Variants in CNGB3 observed in about 807,000 individuals in gnomAD.
CNGB3 encodes the protein cyclic nucleotide gated channel subunit beta 3.
In CNGB3, 86 loss-of-function variants were observed where a neutral mutation model predicts 92.8. The observed-to-expected ratio is 0.93, with a 90% confidence interval of 0.78 to 1.11. The LOEUF (loss-of-function observed/expected upper bound fraction) is 1.11. Ranked by LOEUF, CNGB3 falls within the 50% of genes least tolerant of loss-of-function variation. The pLI is 0.00. For synonymous variants in CNGB3, 333 were observed against 332.7 expected (o/e 1.00, Z -0.01); for missense variants, 1,026 against 956.8 (o/e 1.07, Z -0.95).
rs569459502 is a variant in CNGB3, at chr8:86,638,857, GT to G, written c.1178+4893del. Among the ~76,000 whole-genome samples the G allele has an allele frequency of 5.3e-3, 800 of 150,230 alleles. 7 individuals carry two copies. Among genetic ancestry groups the G allele is most frequent in the African/African-American group, 0.019 (782 of 40,770 alleles). ...TTTTTTTTGTTTTGTTTGTTTGTTT[GT>G]TTGTTTTTGTTATATTCCAAGGGTG... On this transcript the variant is annotated intron_variant, in intron 10 of 17. Transcript: ENST00000320005.
chr8:86,624,234 C>T (rs899044894), intron 13 of CNGB3, among the ~76,000 whole-genome samples: 1 of 152,180 alleles, frequency 6.6e-6, no homozygotes, highest in African/African-American at 2.4e-5. Flanking sequence ...GCCTGGCCAA[C>T]ATGGCGAAAC....
chr8:86,693,937 G>T (rs1396087576), intron 3 of CNGB3, among the ~76,000 whole-genome samples: 1 of 147,858 alleles, frequency 6.8e-6, no homozygotes, highest in Non-Finnish European at 1.5e-5. Context: ...TTGTCATCAT[G>T]GCCCGTTCTC....
intron 3 of CNGB3, among the ~76,000 whole-genome samples, chr8:86,696,292 T>G (rs1039861319): frequency 6.6e-6 from 1 of 152,224 alleles, no homozygotes; most frequent in East Asian, 1.9e-4. Context: ...CAGGAGGTGG[T>G]GCTTCCAAGA....
intron 13 of CNGB3, among the ~76,000 whole-genome samples, chr8:86,623,474 C>T (rs573084285): frequency 6.6e-6 from 1 of 152,176 alleles, no homozygotes; most frequent in East Asian, 1.9e-4. Context: ...GCTGCATCCT[C>T]CAGATGGGAG....
chr8:86,651,513 TA>T (rs1300295651), intron 7 of CNGB3, among the ~76,000 whole-genome samples: 2 of 151,886 alleles, frequency 1.3e-5, no homozygotes, highest in Non-Finnish European at 2.9e-5. Flanking sequence ...AGAACGTAAT[TA>T]AAATAATGTA....
chr8:86,577,235 G>A (rs1403134582), intron 17 of CNGB3, among the ~76,000 whole-genome samples: 1 of 152,148 alleles, frequency 6.6e-6, no homozygotes, highest in Non-Finnish European at 1.5e-5. Flanking sequence ...CTGAGTAATA[G>A]CTTTCTGCTC....
intron 8 of CNGB3, among the ~76,000 whole-genome samples, chr8:86,646,004 C>T (rs1173718806): frequency 4.0e-5 from 6 of 151,016 alleles, no homozygotes; most frequent in Non-Finnish European, 8.9e-5. Flanking sequence ...TCAGGATCTC[C>T]TATATTTAAA....
At chr8:86,639,312 GTACT>G (rs1823134091) in intron 10 of CNGB3, among the ~76,000 whole-genome samples, 1 of 151,902 alleles carries the variant, frequency 6.6e-6, no homozygotes, top group Non-Finnish European at 1.5e-5. Context: ...ATAATCTTAG[GTACT>G]TACTTGTGTT....
chr8:86,619,600 A>G (rs1252366961), intron 13 of CNGB3, among the ~76,000 whole-genome samples: 1 of 152,118 alleles, frequency 6.6e-6, no homozygotes, highest in African/African-American at 2.4e-5. Flanking sequence ...AAGAGGAGAA[A>G]AAACCTACAT....
intron 3 of CNGB3, among the ~76,000 whole-genome samples, chr8:86,683,455 T>A (rs1824121633): frequency 6.6e-6 from 1 of 152,086 alleles, no homozygotes; most frequent in Non-Finnish European, 1.5e-5. Flanking sequence ...CAAAAAAGAC[T>A]AAGGTGAAAT....
chr8:86,682,319 CT>C (rs1467387194), intron 3 of CNGB3, among the ~76,000 whole-genome samples: 2 of 152,148 alleles, frequency 1.3e-5, no homozygotes, highest in Non-Finnish European at 2.9e-5. Context: ...AAAATAAGTC[CT>C]GATTTCCTGC....
chr8:86,647,752 G>T lies in CNGB3; in HGVS notation c.990+49C>A, dbSNP rs769083048. On this transcript the variant is annotated intron_variant, in intron 8 of 17. Coordinates refer to ENST00000320005, the MANE Select transcript of CNGB3 (RefSeq NM_019098.5). ...TCAAGATTTCCATTATAGGGAAATA[G>T]AAATATTTCCATTATAAGGGAAAAG... is the stretch of plus-strand genomic sequence containing the variant. The T allele has an allele frequency of 7.2e-6, 7 of 973,464 alleles. No individual in the cohort carries two copies. In the African/African-American group the frequency reaches 1.1e-4, roughly 16 times the overall value. The allele number at this position is 973,464 out of a possible 1,614,324, so 60.3% of individuals were successfully genotyped here.
At chr8:86,617,598 T>A (rs1822644171) in intron 13 of CNGB3, among the ~76,000 whole-genome samples, 1 of 152,204 alleles carries the variant, frequency 6.6e-6, no homozygotes. Flanking sequence ...AGTGCTGTGA[T>A]GTCATAATTT....
chr8:86,610,904 T>A (rs1822504730), intron 14 of CNGB3, among the ~76,000 whole-genome samples: 1 of 152,180 alleles, frequency 6.6e-6, no homozygotes, highest in African/African-American at 2.4e-5. Context: ...CATGCAGCTT[T>A]AAAAAATCAT....
At chr8:86,733,385 A>G (rs190202638) in intron 2 of CNGB3, among the ~76,000 whole-genome samples, 11 of 152,304 alleles carry the variant, frequency 7.2e-5, no homozygotes, top group African/African-American at 2.4e-4. Context: ...GCTATTGTGA[A>G]TATCACAGTG....
intron 3 of CNGB3, among the ~76,000 whole-genome samples, chr8:86,712,748 T>G (rs970833854): frequency 3.9e-5 from 5 of 127,958 alleles, no homozygotes; most frequent in Non-Finnish European, 7.8e-5. Context: ...AGGGTTTTCC[T>G]GGCTTAATTT....
At chr8:86,630,007 G>T in intron 11 of CNGB3, among the ~76,000 whole-genome samples, 1 of 152,080 alleles carries the variant, frequency 6.6e-6, no homozygotes, top group East Asian at 1.9e-4. Context: ...TTCTGCTTAT[G>T]GAAAAACGAC....
intron 2 of CNGB3, among the ~76,000 whole-genome samples, chr8:86,728,243 G>A (rs149791295): frequency 0.011 from 1,674 of 152,156 alleles, 19 homozygotes; most frequent in African/African-American, 0.03. Flanking sequence ...TGAAGCCTGC[G>A]TATAAAGATT....
At chr8:86,729,990 A>G (rs971156068) in intron 2 of CNGB3, among the ~76,000 whole-genome samples, 2 of 152,184 alleles carry the variant, frequency 1.3e-5, no homozygotes, top group Non-Finnish European at 2.9e-5. Flanking sequence ...TCTTCCCTGG[A>G]ATGTGTACCT....
Sources: gnomAD v4.1 joint callset for allele counts (sites outside exome capture counted in the v4.1 genomes callset) on GRCh38, gnomAD v4.1.1 for gene constraint, MANE v1.5 for transcripts, NCBI Gene and HGNC (gene_info 2026-07-23, HGNC 2026-07-21) for gene names.